HDX: variants seen among roughly 807,000 people sequenced by gnomAD.
HDX encodes the protein highly divergent homeobox.
Under a neutral mutation model 45.2 loss-of-function variants are expected in HDX, and 19 were observed. That is an observed-to-expected ratio of 0.42 (90% CI 0.29 to 0.62). The LOEUF (loss-of-function observed/expected upper bound fraction) is 0.62, where lower values mean the gene tolerates loss of function less well. Among genes scored for constraint, HDX ranks in the 20% least tolerant of loss-of-function variants. The pLI, the probability that HDX is intolerant of heterozygous loss-of-function variation, is 0.20. For synonymous variants in HDX, 188 were observed against 172.8 expected (o/e 1.09, Z -0.69); for missense variants, 532 against 493.9 (o/e 1.08, Z -0.73).
intron 4 of HDX, among the ~76,000 whole-genome samples, chrX:84,458,789 T>C (rs1403558996): frequency 9.0e-6 from 1 of 111,427 alleles, no homozygotes; most frequent in Non-Finnish European, 1.9e-5. Context: ...TTAAGAAAAA[T>C]GGACCATAAA....
At chrX:84,409,583 T>C (rs955475693) in intron 5 of HDX, among the ~76,000 whole-genome samples, 65 of 105,871 alleles carry the variant, frequency 6.1e-4, no homozygotes, top group African/African-American at 2.1e-3. Context: ...GGGACATGGA[T>C]GAAACTGGAA....
Position 84,392,187 on chromosome X carries a change from G to A in HDX, c.1306-30575C>T, listed in dbSNP as rs777952316. 2.2e-3 allele frequency among the ~76,000 whole-genome samples: 248 copies of A among 111,799 alleles called. 2 individuals carry two copies. The highest frequency in any genetic ancestry group is 7.7e-3 in the African/African-American group (239 of 30,883). On this transcript the variant is annotated intron_variant, in intron 5 of 10. Coordinates refer to ENST00000373177, the MANE Select transcript of HDX (RefSeq NM_001177479.2). ...TTAAAGAGACTATCATTTCCCAAAT[G>A]TATGTACTTAGCACCTATATTGAAA...
At chrX:84,361,402 A>G (rs2037619369) in intron 6 of HDX, 64 bp downstream of exon 6, 2 of 1,047,091 alleles carry the variant, frequency 1.9e-6, no homozygotes, top group Admixed American at 4.6e-5. Context: ...CTCATGTAAG[A>G]TTTTAAAGCT....
chrX:84,468,930 C>T lies in HDX; in HGVS notation c.793G>A (p.Val265Met). ...TAATCGCTAACTGCCAATGAAAACA[C>T]TTCACGGATTTCCAAGTTTTGTGTT... ...CRTQNLEIRE[V>M]FSLAVSDYPQ... is the part of the protein sequence containing the mutation. Residue 265 changes from valine to methionine, a missense_variant, in exon 4 of 11, where the codon GTG becomes ATG. Around this residue, in one of 3 missense-constraint regions of HDX, gnomAD observed 376 missense variants for 343.7 expected, o/e 1.09. Transcript: ENST00000373177. The T allele has an allele frequency of 8.3e-7, 1 of 1,211,780 alleles. No individual in the cohort carries two copies. Among genetic ancestry groups the T allele is most frequent in the South Asian group, 1.8e-5 (1 of 56,979 alleles).
intron 9 of HDX, among the ~76,000 whole-genome samples, chrX:84,330,974 T>C (rs755612902): frequency 9.0e-6 from 1 of 111,337 alleles, no homozygotes; most frequent in Non-Finnish European, 1.9e-5. Flanking sequence ...TAAAACAAGA[T>C]CTATCTTATT....
intron 5 of HDX, among the ~76,000 whole-genome samples, chrX:84,431,647 G>A (rs1167267060): frequency 9.0e-6 from 1 of 111,496 alleles, no homozygotes; most frequent in African/African-American, 3.2e-5. Flanking sequence ...TCTTTTGAAA[G>A]TGACTGTTCA....
At chrX:84,429,198 T>A (rs2039449497) in intron 5 of HDX, among the ~76,000 whole-genome samples, 2 of 110,634 alleles carry the variant, frequency 1.8e-5, no homozygotes, top group Non-Finnish European at 3.8e-5. Flanking sequence ...GTTTTAAAAA[T>A]CAGTTTGTAA....
intron 9 of HDX, among the ~76,000 whole-genome samples, chrX:84,328,202 A>T (rs199767666): frequency 1.0e-4 from 11 of 107,307 alleles, no homozygotes; most frequent in Non-Finnish European, 1.5e-4. Flanking sequence ...CTACCAAAAA[A>T]ATATATATAT....
intron 4 of HDX, among the ~76,000 whole-genome samples, chrX:84,449,344 A>T (rs906864737): frequency 5.4e-5 from 6 of 111,916 alleles, no homozygotes; most frequent in Non-Finnish European, 7.5e-5. Flanking sequence ...CAATGCTAAA[A>T]GGTCTTCTCT....
chrX:84,361,344 A>G lies in HDX; in HGVS notation c.1452+122T>C, dbSNP rs755044100. On this transcript the variant is annotated intron_variant, in intron 6 of 10. Transcript: ENST00000373177. ...GATATATGATTTCAAAATATCTCCTATCCTGTGGGTTATCTTTTCACTTTA... is the reference window on the plus strand; with the variant it reads ...GATATATGATTTCAAAATATCTCCTGTCCTGTGGGTTATCTTTTCACTTTA... 8.2e-5 allele frequency: 43 copies of G among 524,402 alleles called. No homozygotes were observed. In the African/African-American group the frequency reaches 9.5e-4, roughly 12 times the overall value. 43.2% of individuals were successfully genotyped at this position (524,402 alleles called of 1,213,427 possible).
In HDX at chrX:84,475,364, G is replaced by T. The variant is rs1400249497; in HGVS notation, c.34C>A (p.Gln12Lys). The T allele has an allele frequency of 8.7e-7, 1 of 1,145,552 alleles. No homozygotes were observed. Among genetic ancestry groups the T allele is most frequent in the East Asian group, 3.0e-5 (1 of 33,184 alleles). The allele number at this position is 1,145,552 out of a possible 1,213,427, so 94.4% of individuals were successfully genotyped here. A position where few individuals can be genotyped will look rare whatever the true frequency, so the allele number is the denominator to read the frequency against. The change falls in exon 3 of 11, where the codon CAA becomes AAA. Residue 12 changes from glutamine (Q) to lysine (K), a missense_variant. Around this residue, in one of 3 missense-constraint regions of HDX, gnomAD observed 376 missense variants for 343.7 expected, o/e 1.09. Coordinates refer to ENST00000373177, the MANE Select transcript of HDX (RefSeq NM_001177479.2). ...NLRSVFTVEQ[Q>K]RILQRYYENG... ...TCATAATAACGCTGTAAAATCCTTTGTTGTTCTACAGTAAATACAGAACGT... is the reference window on the plus strand; with the variant it reads ...TCATAATAACGCTGTAAAATCCTTTTTTGTTCTACAGTAAATACAGAACGT...
rs202043851 is a variant in HDX at position 84,424,515 on chromosome X, C to CAAAG, written c.1305+16013_1305+16016dup. Among the ~76,000 whole-genome samples, 586 of 110,836 alleles carry CAAAG rather than the reference C, an allele frequency of 5.3e-3. 6 individuals carry two copies. Among genetic ancestry groups the CAAAG allele is most frequent in the African/African-American group, 0.018 (564 of 30,505 alleles). ...CCAGAACAGCCAAATTTATCCTAAG[C>CAAAG]AAAGAGATTAAAAATGGAGGAATCA... On this transcript the variant is annotated intron_variant, in intron 5 of 10. Coordinates refer to ENST00000373177, the MANE Select transcript of HDX (RefSeq NM_001177479.2).
intron 5 of HDX, among the ~76,000 whole-genome samples, chrX:84,422,664 T>TG (rs2148014730): frequency 2.8e-5 from 1 of 35,576 alleles, no homozygotes; most frequent in South Asian, 2.0e-3. Context: ...AAATAAAAGG[T>TG]TTTTTTTTTT....
chrX:84,491,842 G>A (rs776150400), intron 1 of HDX, among the ~76,000 whole-genome samples: 2 of 111,489 alleles, frequency 1.8e-5, no homozygotes, highest in South Asian at 3.8e-4. Context: ...TGGCTAGTGG[G>A]AACATAACTA....
At chrX:84,497,162 G>A (rs895690232) in intron 1 of HDX, among the ~76,000 whole-genome samples, 2 of 112,024 alleles carry the variant, frequency 1.8e-5, no homozygotes, top group Admixed American at 9.5e-5. Context: ...GTGGAACTGT[G>A]AGTCAGTTAA....
intron 4 of HDX, among the ~76,000 whole-genome samples, chrX:84,453,419 G>T (rs2040047316): frequency 8.9e-6 from 1 of 111,772 alleles, no homozygotes; most frequent in Non-Finnish European, 1.9e-5. Flanking sequence ...TTAGGGGAAG[G>T]AGAGTACAGT....
intron 4 of HDX, among the ~76,000 whole-genome samples, chrX:84,440,831 G>A (rs912431839): frequency 1.8e-5 from 2 of 110,902 alleles, no homozygotes; most frequent in Non-Finnish European, 3.8e-5. Context: ...ATTGTTGGGG[G>A]CCCTACGATT....
intron 6 of HDX, among the ~76,000 whole-genome samples, chrX:84,358,803 C>A (rs1455464650): frequency 9.0e-6 from 1 of 111,636 alleles, no homozygotes; most frequent in Non-Finnish European, 1.9e-5. Flanking sequence ...CTCAAGTGAT[C>A]CTTCCACCTC....
intron 7 of HDX, among the ~76,000 whole-genome samples, chrX:84,338,100 T>G (rs1322533013): frequency 9.0e-6 from 1 of 111,106 alleles, no homozygotes; most frequent in Non-Finnish European, 1.9e-5. Flanking sequence ...TTATCAGCCC[T>G]CACGAATTTT....
Sources: gnomAD v4.1 joint callset for allele counts (sites outside exome capture counted in the v4.1 genomes callset) on GRCh38, gnomAD v4.1.1 for gene constraint, gnomAD v4.1.1 regional missense constraint, MANE v1.5 for transcripts, NCBI Gene and HGNC (gene_info 2026-07-23, HGNC 2026-07-21) for gene names.